Variants in MEF2C observed in about 807,000 individuals in gnomAD.
MEF2C encodes myocyte enhancer factor 2C, also known as myocyte-specific enhancer factor 2C.
In MEF2C, 6 loss-of-function variants were observed where a neutral mutation model predicts 50.5. That is an observed-to-expected ratio of 0.12 (90% CI 0.07 to 0.23). MEF2C has a LOEUF of 0.23. Among genes scored for constraint, MEF2C ranks in the 10% least tolerant of loss-of-function variants. The pLI is 1.00. For synonymous variants in MEF2C, 183 were observed against 228.0 expected, an observed-to-expected ratio of 0.80 and a Z score of 1.78; for missense variants, 276 against 605.0, an observed-to-expected ratio of 0.46 and a Z score of 5.70.
At position 88,734,203 on chromosome 5, in the gene MEF2C, G is replaced by A. The variant is rs1460278368; in HGVS notation, c.638-2302C>T. On this transcript the variant is annotated intron_variant, in intron 6 of 10. Coordinates refer to ENST00000504921, the MANE Select transcript of MEF2C (RefSeq NM_002397.5). ...GATAAAAAGAGAATAAGAACATCAA[G>A]GTCAATTCTGCTCTATACTTTGCTG... The A allele has an allele frequency of 5.1e-6, 5 of 985,136 alleles. 1 individual carries two copies. The East Asian group carries it at 5.7e-4, about 112-fold the overall frequency. 61.0% of individuals were successfully genotyped at this position (985,136 alleles called of 1,614,324 possible).
intron 3 of MEF2C, among the ~76,000 whole-genome samples, chr5:88,802,101 G>A (rs1444581643): frequency 1.3e-5 from 2 of 152,202 alleles, no homozygotes; most frequent in Admixed American, 6.5e-5. Context: ...TGGCCCAAAA[G>A]CCTCGAAGTG....
At chr5:88,723,581 G>GT (rs1399323587) in intron 10 of MEF2C, among the ~76,000 whole-genome samples, 3 of 152,158 alleles carry the variant, frequency 2.0e-5, no homozygotes, top group African/African-American at 7.2e-5. Context: ...TTAAACGTTG[G>GT]TTTTCAAACA....
At position 88,719,706 on chromosome 5, in the gene MEF2C, G is replaced by C. The variant is rs543068947; in HGVS notation, c.*2898C>G. The C allele has an allele frequency of 6.6e-6, 1 of 152,156 alleles. No homozygotes were observed. The highest frequency in any genetic ancestry group is 1.5e-5 in the Non-Finnish European group (1 of 67,984). 9.4% of individuals were successfully genotyped at this position (152,156 alleles called of 1,614,324 possible). On this transcript the variant is annotated 3_prime_UTR_variant, in exon 11 of 11. Transcript: ENST00000504921. Reference sequence around the variant, plus strand: ...ATAAGGGTAAAGATAGACCAAGATTGTTTACAGAAAGTGACTCATCAAAAT... The same window carrying C: ...ATAAGGGTAAAGATAGACCAAGATTCTTTACAGAAAGTGACTCATCAAAAT...
At chr5:88,754,801 T>C (rs1335810010) in intron 4 of MEF2C, among the ~76,000 whole-genome samples, 1 of 152,240 alleles carries the variant, frequency 6.6e-6, no homozygotes, top group Non-Finnish European at 1.5e-5. Flanking sequence ...GTGAGGGCTC[T>C]CATCTTAGAA....
At chr5:88,843,315 A>T (rs1489316269) in intron 1 of MEF2C, 1 of 984,028 alleles carries the variant, frequency 1.0e-6, no homozygotes. Flanking sequence ...TACATCACGT[A>T]AAATATTGTT....
chr5:88,860,805 G>C (rs1454441227), intron 1 of MEF2C, among the ~76,000 whole-genome samples: 1 of 149,200 alleles, frequency 6.7e-6, no homozygotes, highest in Non-Finnish European at 1.5e-5. Context: ...ACACATTGGA[G>C]AAAAAAAAAA....
At chr5:88,849,430 A>G (rs536403899) in intron 1 of MEF2C, among the ~76,000 whole-genome samples, 1 of 152,244 alleles carries the variant, frequency 6.6e-6, no homozygotes, top group South Asian at 2.1e-4. Flanking sequence ...TATGCACATA[A>G]TATATATACA....
intron 3 of MEF2C, among the ~76,000 whole-genome samples, chr5:88,786,503 G>T (rs1019279709): frequency 6.6e-6 from 1 of 152,060 alleles, no homozygotes; most frequent in African/African-American, 2.4e-5. Context: ...TAACGATGTG[G>T]GATGCAACTT....
chr5:88,728,650 CAAG>C (rs1252590845), intron 9 of MEF2C, 22 bp from the exon 10 acceptor site: 8 of 1,339,294 alleles, frequency 6.0e-6, no homozygotes, highest in Middle Eastern at 2.0e-4. Flanking sequence ...AATAAAACAA[CAAG>C]GGAAAATATT....
chr5:88,792,333 T>A (rs897752344), intron 3 of MEF2C, among the ~76,000 whole-genome samples: 4 of 152,132 alleles, frequency 2.6e-5, no homozygotes, highest in African/African-American at 9.7e-5. Flanking sequence ...ATCATAAGTT[T>A]ACTGATTGAC....
At position 88,749,090 on chromosome 5, in the gene MEF2C, G is replaced by T; in HGVS notation, c.617C>A (p.Ser206Tyr). ...TGGLMGGDLT[S>Y]GAGTSAGNGY... The stretch of plus-strand genomic sequence containing the variant: ...CTTACCTGCACTGGTGCCTGCACCA[G>T]ACGTGAGGTCTCCACCCATCAGACC... The change falls in exon 6 of 11, where the codon TCT becomes TAT. Residue 206 changes from serine (S) to tyrosine (Y), a missense_variant. This residue lies in a region of MEF2C where 256 missense variants were observed against 468.1 expected (regional missense o/e 0.55). Transcript: ENST00000504921. 6.3e-7 allele frequency: 1 copy of T among 1,575,862 alleles called. No individual in the cohort carries two copies. The highest frequency in any genetic ancestry group is 8.6e-7 in the Non-Finnish European group (1 of 1,160,016).
At chr5:88,871,304 A>G (rs1231955627) in intron 1 of MEF2C, among the ~76,000 whole-genome samples, 1 of 151,976 alleles carries the variant, frequency 6.6e-6, no homozygotes, top group Non-Finnish European at 1.5e-5. Flanking sequence ...ATAATTCTCT[A>G]AGCCCATGTG....
chr5:88,786,119 AAGC>A (rs1432320180), intron 3 of MEF2C, among the ~76,000 whole-genome samples: 1 of 152,172 alleles, frequency 6.6e-6, no homozygotes, highest in Non-Finnish European at 1.5e-5. Context: ...ATTAAAAAAA[AAGC>A]ACACACACAC....
At chr5:88,739,578 C>T (rs1220739202) in intron 6 of MEF2C, 17 of 984,760 alleles carry the variant, frequency 1.7e-5, no homozygotes, top group Non-Finnish European at 2.0e-5. Flanking sequence ...ATACAATCCC[C>T]TACTCTACTG....
intron 10 of MEF2C, among the ~76,000 whole-genome samples, chr5:88,727,860 A>G (rs1759591309): frequency 6.6e-6 from 1 of 152,070 alleles, no homozygotes; most frequent in South Asian, 2.1e-4. Context: ...ATAAATGACA[A>G]GAGTCATTTC....
At chr5:88,841,580 CAGG>C (rs1356781458) in intron 1 of MEF2C, among the ~76,000 whole-genome samples, 1 of 151,182 alleles carries the variant, frequency 6.6e-6, no homozygotes, top group African/African-American at 2.4e-5. Context: ...CAAACCTTTC[CAGG>C]AGGAGTTCCA....
intron 1 of MEF2C, chr5:88,839,723 T>A (rs1451445011): frequency 6.6e-6 from 1 of 152,152 alleles, no homozygotes; most frequent in African/African-American, 2.4e-5. Flanking sequence ...TTGGTCACAA[T>A]CCTGAGGATT....
chr5:88,765,357 G>T (rs1339909953), intron 3 of MEF2C, among the ~76,000 whole-genome samples: 3 of 152,160 alleles, frequency 2.0e-5, no homozygotes, highest in Non-Finnish European at 4.4e-5. Context: ...AAGAACAAAT[G>T]ATTATGGTGG....
intron 1 of MEF2C, among the ~76,000 whole-genome samples, chr5:88,869,331 T>G (rs1554051071): frequency 8.2e-6 from 1 of 122,592 alleles, no homozygotes; most frequent in Non-Finnish European, 1.9e-5. Context: ...ATAGCTTCAT[T>G]TGTACAAATT....
Sources: gnomAD v4.1 joint callset for allele counts (sites outside exome capture counted in the v4.1 genomes callset) on GRCh38, gnomAD v4.1.1 for gene constraint, gnomAD v4.1.1 regional missense constraint, MANE v1.5 for transcripts, NCBI Gene and HGNC (gene_info 2026-07-23, HGNC 2026-07-21) for gene names.